Variants in CCDC60 observed in about 807,000 individuals in gnomAD.
CCDC60 encodes the protein coiled-coil domain containing 60, also known as coiled-coil domain-containing protein 60.
A neutral mutation model predicts 63.5 loss-of-function variants in CCDC60; 54 were observed. The observed-to-expected ratio is 0.85, with a 90% confidence interval of 0.68 to 1.07. The LOEUF is 1.07. Among genes scored for constraint, CCDC60 ranks in the 50% least tolerant of loss-of-function variants. The pLI, the probability that CCDC60 is intolerant of heterozygous loss-of-function variation, is 0.00. For missense variants in CCDC60, 651 were observed against 684.3 expected (o/e 0.95, Z 0.54); for synonymous variants, 206 against 238.8 (o/e 0.86, Z 1.27).
intron 2 of CCDC60, among the ~76,000 whole-genome samples, chr12:119,445,425 C>T (rs1439439875): frequency 2.8e-5 from 2 of 70,744 alleles, no homozygotes; most frequent in Non-Finnish European, 2.7e-5. Flanking sequence ...CAGAGCGAGA[C>T]TCCATCTCAA....
At position 119,540,872 on chromosome 12, in the gene CCDC60, C is replaced by G; in HGVS notation, c.*157C>G. ...TCATCTGGAGACTGACTTCCAGCAA[C>G]ATTTTTAGAGGGGGATGGCCCCGGT... On this transcript the variant is annotated 3_prime_UTR_variant, in exon 14 of 14. Coordinates refer to ENST00000327554, the MANE Select transcript of CCDC60 (RefSeq NM_178499.5). 3.5e-6 allele frequency: 2 copies of G among 573,328 alleles called. No homozygotes were observed. Among genetic ancestry groups the G allele is most frequent in the Non-Finnish European group, 6.1e-6 (2 of 328,696 alleles). 35.5% of individuals were successfully genotyped at this position (573,328 alleles called of 1,614,324 possible).
chr12:119,537,877 A>G (rs1321134901), intron 13 of CCDC60, among the ~76,000 whole-genome samples: 1 of 152,162 alleles, frequency 6.6e-6, no homozygotes, highest in African/African-American at 2.4e-5. Flanking sequence ...GGGGTCAGGG[A>G]CCCACTTGAG....
chr12:119,400,420 C>T (rs1345151365), intron 1 of CCDC60, among the ~76,000 whole-genome samples: 7 of 152,056 alleles, frequency 4.6e-5, no homozygotes, highest in Non-Finnish European at 7.4e-5. Context: ...TTGATGGAGA[C>T]GAGTAAATAT....
chr12:119,377,254 CAAAAAAAA>C (rs60100165), intron 1 of CCDC60, among the ~76,000 whole-genome samples: 84 of 47,458 alleles, frequency 1.8e-3, no homozygotes, highest in Non-Finnish European at 1.6e-3. Context: ...CACTCCATCT[CAAAAAAAA>C]AAAAAAAAAA....
chr12:119,488,736 G>T (rs762539498), intron 4 of CCDC60, 23 bp from the exon 5 acceptor site: 5 of 1,604,522 alleles, frequency 3.1e-6, no homozygotes, highest in Non-Finnish European at 4.3e-6. Flanking sequence ...ATCCCACTGT[G>T]TTCCCTCTCT....
At chr12:119,464,596 C>T (rs916394521) in intron 2 of CCDC60, among the ~76,000 whole-genome samples, 7 of 152,140 alleles carry the variant, frequency 4.6e-5, no homozygotes, top group Non-Finnish European at 1.0e-4. Flanking sequence ...TTGGCCATGA[C>T]AAGATGGGAG....
At chr12:119,442,599 T>C (rs186627234) in intron 2 of CCDC60, among the ~76,000 whole-genome samples, 1 of 152,352 alleles carries the variant, frequency 6.6e-6, no homozygotes, top group East Asian at 1.9e-4. Flanking sequence ...TAAACAACTA[T>C]TTAGAGAAGA....
intron 4 of CCDC60, chr12:119,479,503 G>A: frequency 3.1e-6 from 1 of 319,652 alleles, no homozygotes. Flanking sequence ...TCGAGTGTGT[G>A]CGAGAACATC....
intron 5 of CCDC60, among the ~76,000 whole-genome samples, chr12:119,494,746 C>T (rs1057065577): frequency 2.0e-5 from 3 of 152,094 alleles, no homozygotes; most frequent in Non-Finnish European, 4.4e-5. Context: ...TTTGGGAGGC[C>T]GAGGTGGGCA....
At chr12:119,523,266 C>A (rs568854927) in intron 10 of CCDC60, among the ~76,000 whole-genome samples, 1 of 152,342 alleles carries the variant, frequency 6.6e-6, no homozygotes, top group East Asian at 1.9e-4. Flanking sequence ...TTCCTCAAAA[C>A]CAATCCTATG....
In CCDC60 at chr12:119,420,177, G is replaced by T. The variant is rs896739097; in HGVS notation, c.91-8506G>T. 1.4e-4 allele frequency among the ~76,000 whole-genome samples: 22 copies of T among 152,152 alleles called. No homozygotes were observed. Among genetic ancestry groups the T allele is most frequent in the Non-Finnish European group, 2.9e-4 (20 of 67,982 alleles). ...AGGTATAAGCCACCATGCCCGGCCT[G>T]TTAAGTAATTCTATAGTATATTTCC... On this transcript the variant is annotated intron_variant, in intron 1 of 13. Transcript: ENST00000327554. The surrounding 1 kb of genome is among the most constrained non-coding windows in gnomAD (Gnocchi z 4.1).
chr12:119,437,754 C>T (rs1950355160), intron 2 of CCDC60, among the ~76,000 whole-genome samples: 2 of 152,182 alleles, frequency 1.3e-5, no homozygotes, highest in Non-Finnish European at 1.5e-5. Flanking sequence ...ACCATTCCCT[C>T]CCCTAGACTT....
chr12:119,389,844 C>T (rs773639129), intron 1 of CCDC60, among the ~76,000 whole-genome samples: 1 of 152,088 alleles, frequency 6.6e-6, no homozygotes, highest in African/African-American at 2.4e-5. Context: ...AGTGGCTTTG[C>T]ACACATTACC....
intron 9 of CCDC60, 111 bp downstream of exon 9, chr12:119,520,303 G>T: frequency 1.1e-6 from 1 of 913,182 alleles, no homozygotes; most frequent in South Asian, 1.7e-5. Context: ...AGGAAAGAGG[G>T]AACTTTTTCC....
intron 3 of CCDC60, among the ~76,000 whole-genome samples, chr12:119,476,912 T>C (rs1951188272): frequency 6.6e-6 from 1 of 152,248 alleles, no homozygotes; most frequent in South Asian, 2.1e-4. Context: ...AACCTTCAGA[T>C]TTCAGCTCAA....
At chr12:119,424,377 A>G (rs1455422340) in intron 1 of CCDC60, among the ~76,000 whole-genome samples, 1 of 152,252 alleles carries the variant, frequency 6.6e-6, no homozygotes, top group Non-Finnish European at 1.5e-5. Flanking sequence ...ACTCAAATGC[A>G]TCACATACCA....
At chr12:119,343,733 G>A (rs1955557592) in intron 1 of CCDC60, among the ~76,000 whole-genome samples, 1 of 151,076 alleles carries the variant, frequency 6.6e-6, no homozygotes, top group African/African-American at 2.4e-5. Context: ...GGAAAGACAG[G>A]TGCAGTGAAG....
intron 5 of CCDC60, 117 bp downstream of exon 5, chr12:119,488,983 C>A (rs965006508): frequency 2.5e-6 from 2 of 801,986 alleles, no homozygotes; most frequent in Admixed American, 3.9e-5. Context: ...TGTTTCAGTT[C>A]CTCTTCTATG....
At chr12:119,441,037 A>G (rs531718936) in intron 2 of CCDC60, among the ~76,000 whole-genome samples, 1 of 152,276 alleles carries the variant, frequency 6.6e-6, no homozygotes, top group South Asian at 2.1e-4. Context: ...TATGATCATG[A>G]TCTCATTAAT....
Sources: allele counts gnomAD v4.1 joint callset (sites outside exome capture counted in the v4.1 genomes callset), GRCh38; gene constraint gnomAD v4.1.1; non-coding constraint Gnocchi (gnomAD v3.1); transcripts MANE v1.5; gene names NCBI Gene and HGNC (gene_info 2026-07-23, HGNC 2026-07-21).